The following LRRC8D variants were observed in gnomAD, a reference collection of about 807,000 sequenced individuals.
LRRC8D encodes volume-regulated anion channel subunit LRRC8D.
In LRRC8D, 20 loss-of-function variants were observed where a neutral mutation model predicts 55.8. The observed-to-expected ratio is 0.36, with a 90% CI of 0.25 to 0.52. The LOEUF is 0.52. Among genes scored for constraint, LRRC8D ranks in the 20% least tolerant of loss-of-function variants. The pLI, the probability that LRRC8D is intolerant of heterozygous loss-of-function variation, is 0.93. For missense variants in LRRC8D, 651 were observed against 1,030.8 expected, an observed-to-expected ratio of 0.63 and a Z score of 5.05; for synonymous variants, 352 against 377.0, an observed-to-expected ratio of 0.93 and a Z score of 0.77.
chr1:89,841,921 C>G (rs79062396), intron 1 of LRRC8D, among the ~76,000 whole-genome samples: 3,152 of 152,218 alleles, frequency 0.021, 47 homozygotes, highest in Non-Finnish European at 0.035. Context: ...CCCTAGAATT[C>G]ATGATCATTG....
At chr1:89,884,875 T>C (rs1326921209) in intron 2 of LRRC8D, among the ~76,000 whole-genome samples, 1 of 152,194 alleles carries the variant, frequency 6.6e-6, no homozygotes, top group African/African-American at 2.4e-5. Flanking sequence ...CCCGAACTAT[T>C]ACAGTTCCCA....
At chr1:89,840,924 A>G (rs539892108) in intron 1 of LRRC8D, among the ~76,000 whole-genome samples, 110 of 152,340 alleles carry the variant, frequency 7.2e-4, no homozygotes, top group African/African-American at 2.5e-3. Context: ...AAGATATTTC[A>G]AAACATAATT....
intron 2 of LRRC8D, among the ~76,000 whole-genome samples, chr1:89,851,275 G>C (rs895050897): frequency 3.0e-4 from 45 of 151,894 alleles, no homozygotes; most frequent in Non-Finnish European, 5.9e-5. Context: ...CTGACTGCAT[G>C]GGTGAATACT....
chr1:89,872,223 GCT>G (rs1662026299), intron 2 of LRRC8D, among the ~76,000 whole-genome samples: 1 of 152,226 alleles, frequency 6.6e-6, no homozygotes, highest in Non-Finnish European at 1.5e-5. Context: ...CTCAGTAAGT[GCT>G]CATTGAGTTG....
At chr1:89,854,806 T>TG (rs1358438409) in intron 2 of LRRC8D, among the ~76,000 whole-genome samples, 1 of 152,200 alleles carries the variant, frequency 6.6e-6, no homozygotes, top group East Asian at 1.9e-4. Context: ...GCAGGACAGC[T>TG]GTTAGATAAC....
chr1:89,881,995 G>A (rs116806183), intron 2 of LRRC8D, among the ~76,000 whole-genome samples: 4,791 of 152,260 alleles, frequency 0.031, 260 homozygotes, highest in African/African-American at 0.11. Context: ...AGTGCACTGG[G>A]AGGGGCTGGG....
chr1:89,913,729 T>C (rs1663188129), intron 2 of LRRC8D, among the ~76,000 whole-genome samples: 1 of 152,248 alleles, frequency 6.6e-6, no homozygotes, highest in South Asian at 2.1e-4. Flanking sequence ...TTCTGAAAGA[T>C]GATATATTTT....
At chr1:89,830,712 C>T (rs1557440323) in intron 1 of LRRC8D, among the ~76,000 whole-genome samples, 2 of 152,128 alleles carry the variant, frequency 1.3e-5, no homozygotes, top group Admixed American at 6.5e-5. Flanking sequence ...TGATTTTTCA[C>T]TGTAAGCCAG....
chr1:89,840,107 T>G (rs1557444149), intron 1 of LRRC8D, among the ~76,000 whole-genome samples: 1 of 152,232 alleles, frequency 6.6e-6, no homozygotes, highest in Non-Finnish European at 1.5e-5. Context: ...AAAGTGAACC[T>G]TCCACATTTT....
At chr1:89,858,004 G>A (rs1231284306) in intron 2 of LRRC8D, among the ~76,000 whole-genome samples, 1 of 152,152 alleles carries the variant, frequency 6.6e-6, no homozygotes, top group Non-Finnish European at 1.5e-5. Flanking sequence ...TGAGGTGGGT[G>A]GATCACCTGA....
intron 2 of LRRC8D, among the ~76,000 whole-genome samples, chr1:89,886,220 A>AATT (rs1335263071): frequency 6.6e-6 from 1 of 152,178 alleles, no homozygotes; most frequent in African/African-American, 2.4e-5. Flanking sequence ...ATCCTTTGCC[A>AATT]ATTCATTTAG....
chr1:89,844,784 T>G (rs1318945758), intron 2 of LRRC8D, among the ~76,000 whole-genome samples: 1 of 152,194 alleles, frequency 6.6e-6, no homozygotes, highest in Non-Finnish European at 1.5e-5. Context: ...TAGCCTTGTT[T>G]TACCGCCTGT....
Position 89,933,302 on chromosome 1 carries a change from C to T in LRRC8D, c.234C>T (p.Asn78=). 11 of 1,614,166 alleles carry T rather than the reference C, an allele frequency of 6.8e-6. No homozygotes were observed. The highest frequency in any genetic ancestry group is 9.3e-6 in the Non-Finnish European group (11 of 1,180,032). ...TPPGNAEVTT[N]IPKMEAATNQ... ...CAGGAAATGCCGAGGTCACCACCAA[C>T]ATCCCAAAGATGGAAGCAGCCACCA... The change falls in exon 3 of 3, where the codon AAC becomes AAT. Residue 78 remains asparagine, a synonymous_variant. Coordinates refer to ENST00000337338, the MANE Select transcript of LRRC8D (RefSeq NM_001134479.2). The surrounding 1 kb of genome is among the most constrained non-coding windows in gnomAD (Gnocchi z 7.0).
chr1:89,824,930 A>G (rs1453792412), intron 1 of LRRC8D, among the ~76,000 whole-genome samples: 1 of 152,222 alleles, frequency 6.6e-6, no homozygotes, highest in Non-Finnish European at 1.5e-5. Flanking sequence ...AGTGCCGAGC[A>G]CAAACTTCTT....
rs1454438061 is a variant in LRRC8D at position 89,935,096 on chromosome 1, C to T, written c.2028C>T (p.Ile676=). 3.1e-6 allele frequency: 5 copies of T among 1,614,044 alleles called. No individual in the cohort carries two copies. Among genetic ancestry groups the T allele is most frequent in the South Asian group, 1.1e-5 (1 of 91,078 alleles). ...ATAACATTCGCACAATTGAGGAAAT[C>T]ATCAGTTTCCAGCATTTAAAACGAC... ...KSNNIRTIEE[I]ISFQHLKRLT... Residue 676 remains isoleucine (I), a synonymous_variant, in exon 3 of 3, where the codon ATC becomes ATT. Transcript: ENST00000337338.
chr1:89,893,372 A>T (rs1357880216), intron 2 of LRRC8D, among the ~76,000 whole-genome samples: 1 of 152,234 alleles, frequency 6.6e-6, no homozygotes, highest in Non-Finnish European at 1.5e-5. Context: ...TTACTTGAAA[A>T]ATATTCGTTA....
chr1:89,886,672 T>A (rs187245029), intron 2 of LRRC8D, among the ~76,000 whole-genome samples: 1 of 152,324 alleles, frequency 6.6e-6, no homozygotes, highest in East Asian at 1.9e-4. Flanking sequence ...CAGCAGCCTA[T>A]TTAATAAAAC....
rs569486442 is a variant in LRRC8D at position 89,925,936 on chromosome 1, C to T, written c.-2-7131C>T. Reference sequence around the variant, plus strand: ...TTTGGTTTCCATACTTTGGCTTACCCGTGAGATGTGATATCTGTACAGGGG... The same window carrying T: ...TTTGGTTTCCATACTTTGGCTTACCTGTGAGATGTGATATCTGTACAGGGG... On this transcript the variant is annotated intron_variant, in intron 2 of 2. Transcript: ENST00000337338. Among the ~76,000 whole-genome samples the T allele has an allele frequency of 1.5e-4, 23 of 152,354 alleles. No individual in the cohort carries two copies. In the South Asian group the frequency reaches 4.8e-3, roughly 32 times the overall value.
rs1663820366 is a variant in LRRC8D at position 89,935,401 on chromosome 1, G to A, written c.2333G>A (p.Arg778Lys). 2 of 1,614,098 alleles carry A rather than the reference G, an allele frequency of 1.2e-6. No individual in the cohort carries two copies. Among genetic ancestry groups the A allele is most frequent in the African/African-American group, 1.3e-5 (1 of 74,940 alleles). ...CAATTGTTTAAATGCATAAAGTTGAGGACTTTGAATCTGGGACAGAACTGC... is the reference window on the plus strand; with the variant it reads ...CAATTGTTTAAATGCATAAAGTTGAAGACTTTGAATCTGGGACAGAACTGC... Reference protein sequence around the residue: ...PKQLFKCIKLRTLNLGQNCIT... With the variant: ...PKQLFKCIKLKTLNLGQNCIT... The change falls in exon 3 of 3, where the codon AGG (arginine) becomes AAG (lysine). Residue 778 changes from arginine to lysine, a missense_variant. Physicochemically the swap from Arg to Lys is conservative, Grantham distance 26. Coordinates refer to ENST00000337338, the MANE Select transcript of LRRC8D (RefSeq NM_001134479.2).
Sources: gnomAD v4.1 joint callset for allele counts (sites outside exome capture counted in the v4.1 genomes callset) on GRCh38, gnomAD v4.1.1 for gene constraint, Gnocchi (gnomAD v3.1) non-coding constraint, MANE v1.5 for transcripts, NCBI Gene and HGNC (gene_info 2026-07-23, HGNC 2026-07-21) for gene names.